The following STPG4 variants were observed in gnomAD, a reference collection of about 807,000 sequenced individuals.
STPG4 encodes the protein sperm-tail PG-rich repeat containing 4.
STPG4 carries 41 observed loss-of-function variants against 31.5 expected under a neutral mutation model. That is an observed-to-expected ratio of 1.30 (90% CI 1.01 to 1.69). The LOEUF is 1.69. Among genes scored for constraint, STPG4 ranks in the 40% most tolerant of loss-of-function variants. The pLI is 0.00. For synonymous variants in STPG4, 141 were observed against 103.0 expected (o/e 1.37, Z -2.24); for missense variants, 375 against 293.4 (o/e 1.28, Z -2.03).
At chr2:47,087,881 T>C (rs1393151819) in intron 6 of STPG4, among the ~76,000 whole-genome samples, 1 of 152,062 alleles carries the variant, frequency 6.6e-6, no homozygotes, top group African/African-American at 2.4e-5. Flanking sequence ...CCCAAGTAGC[T>C]GGGATTACAG....
At chr2:47,091,076 AT>A (rs1404300196) in intron 5 of STPG4, among the ~76,000 whole-genome samples, 1 of 151,222 alleles carries the variant, frequency 6.6e-6, no homozygotes, top group Admixed American at 6.6e-5. Context: ...GGTTCTAAAA[AT>A]TAAAACAGGT....
At chr2:47,107,728 A>C (rs1230360060) in intron 5 of STPG4, among the ~76,000 whole-genome samples, 4 of 152,174 alleles carry the variant, frequency 2.6e-5, no homozygotes, top group Admixed American at 6.5e-5. Context: ...CACTGGGTGA[A>C]GCCAGCTGGG....
intron 1 of STPG4, among the ~76,000 whole-genome samples, chr2:47,154,732 A>G (rs1263325459): frequency 1.3e-5 from 2 of 152,246 alleles, no homozygotes; most frequent in Admixed American, 6.5e-5. Context: ...CTCTAAAAGA[A>G]AAACGTAGCA....
Position 47,152,957 on chromosome 2 carries a change from T to C in STPG4, c.141A>G (p.Thr47=). The change falls in exon 2 of 7, where the codon ACA becomes ACG. Residue 47 remains threonine (T), a splice_region_variant and synonymous_variant. Transcript: ENST00000445927. ...EREGWWRIAL[T]DTPIPGTYHL... is the part of the protein sequence containing the mutation. Reference sequence around the variant, plus strand: ...AGGAAAGACTGAACAATGTACATACTGTTAATGCTATTCTCCACCATCCTT... The same window carrying C: ...AGGAAAGACTGAACAATGTACATACCGTTAATGCTATTCTCCACCATCCTT... 6.2e-7 allele frequency: 1 copy of C among 1,605,248 alleles called. No individual in the cohort carries two copies. The highest frequency in any genetic ancestry group is 2.2e-5 in the East Asian group (1 of 44,720).
chr2:47,146,937 G>A (rs1686835743), intron 3 of STPG4, among the ~76,000 whole-genome samples: 2 of 152,044 alleles, frequency 1.3e-5, no homozygotes, highest in South Asian at 4.1e-4. Flanking sequence ...AGGAGTTTGA[G>A]ACCAGCCTGG....
chr2:47,090,056 C>T (rs1278008426), intron 6 of STPG4, among the ~76,000 whole-genome samples: 1 of 152,170 alleles, frequency 6.6e-6, no homozygotes, highest in Admixed American at 6.5e-5. Context: ...CCTGGAGTCA[C>T]TCTGAACCTG....
At chr2:47,098,624 A>T (rs1372721465) in intron 5 of STPG4, among the ~76,000 whole-genome samples, 1 of 152,208 alleles carries the variant, frequency 6.6e-6, no homozygotes, top group African/African-American at 2.4e-5. Context: ...TCAGAAAAAA[A>T]TTATGACCCC....
At chr2:47,135,666 C>T (rs1187864819) in intron 3 of STPG4, among the ~76,000 whole-genome samples, 1 of 152,216 alleles carries the variant, frequency 6.6e-6, no homozygotes, top group Non-Finnish European at 1.5e-5. Flanking sequence ...GGATTACAGG[C>T]ATGAACCACC....
At position 47,130,227 on chromosome 2, in the gene STPG4, G is replaced by T; in HGVS notation, c.433C>A (p.Leu145Ile). ...GCATATTTGGGAACTGGTGCAGGAA[G>T]CACGTTGTATTGCCCCGGAGAAAGC... is the stretch of plus-strand genomic sequence containing the variant. ...LQLSPGQYNV[L>I]PAPVPKYASR... The change falls in exon 4 of 7, where the codon CTT (leucine) becomes ATT (isoleucine). Residue 145 changes from leucine to isoleucine, a missense_variant. By Grantham distance (5) the Leu-to-Ile change is conservative (BLOSUM62 2). Coordinates refer to ENST00000445927, the MANE Select transcript of STPG4 (RefSeq NM_001163561.2). The T allele has an allele frequency of 6.2e-7, 1 of 1,614,102 alleles. No homozygotes were observed. Among genetic ancestry groups the T allele is most frequent in the Non-Finnish European group, 8.5e-7 (1 of 1,179,948 alleles).
In STPG4 at chr2:47,150,321, A is replaced by T. The variant is rs1367452784; in HGVS notation, c.399+937T>A. Among the ~76,000 whole-genome samples the T allele has an allele frequency of 2.0e-5, 3 of 152,270 alleles. No homozygotes were observed. The East Asian group carries it at 5.8e-4, about 29-fold the overall frequency. On this transcript the variant is annotated intron_variant, in intron 3 of 6. Transcript: ENST00000445927. ...TTCCAGCTCCACTATTTATCTGAGCACTTGATAAACTCTGTCCTGTATTGT... is the reference window on the plus strand; with the variant it reads ...TTCCAGCTCCACTATTTATCTGAGCTCTTGATAAACTCTGTCCTGTATTGT...
At chr2:47,134,831 G>T (rs1686564668) in intron 3 of STPG4, among the ~76,000 whole-genome samples, 1 of 152,242 alleles carries the variant, frequency 6.6e-6, no homozygotes, top group Admixed American at 6.5e-5. Flanking sequence ...AGCAATGAAT[G>T]AGAGTTCCTG....
At chr2:47,107,204 C>G (rs985989624) in intron 5 of STPG4, among the ~76,000 whole-genome samples, 5 of 152,048 alleles carry the variant, frequency 3.3e-5, no homozygotes, top group African/African-American at 1.2e-4. Context: ...TTCAGCCCAC[C>G]GCTGCACTGT....
At chr2:47,138,081 T>C (rs1034401086) in intron 3 of STPG4, among the ~76,000 whole-genome samples, 7 of 152,164 alleles carry the variant, frequency 4.6e-5, no homozygotes, top group Admixed American at 3.3e-4. Context: ...TAATTTTTGG[T>C]TTTTCTTCTT....
intron 3 of STPG4, among the ~76,000 whole-genome samples, chr2:47,148,957 T>G (rs1172595420): frequency 6.6e-6 from 1 of 152,210 alleles, no homozygotes; most frequent in Non-Finnish European, 1.5e-5. Flanking sequence ...TGAAAAATTA[T>G]AAAATTTGAG....
intron 3 of STPG4, among the ~76,000 whole-genome samples, chr2:47,137,851 T>C (rs917496483): frequency 1.3e-5 from 2 of 152,180 alleles, no homozygotes; most frequent in African/African-American, 4.8e-5. Context: ...ATTAGTCATT[T>C]GTGTTTTCTC....
At chr2:47,137,245 G>C (rs987848900) in intron 3 of STPG4, among the ~76,000 whole-genome samples, 1 of 152,172 alleles carries the variant, frequency 6.6e-6, no homozygotes, top group East Asian at 1.9e-4. Context: ...ACATGATTAT[G>C]TGACTTTTCT....
chr2:47,103,592 G>C (rs1022051231), intron 5 of STPG4, among the ~76,000 whole-genome samples: 3 of 151,856 alleles, frequency 2.0e-5, no homozygotes, highest in Admixed American at 1.3e-4. Context: ...CCAATCACCT[G>C]GTAGGGCTTG....
At chr2:47,087,529 G>C (rs1321256758) in intron 6 of STPG4, among the ~76,000 whole-genome samples, 1 of 152,182 alleles carries the variant, frequency 6.6e-6, no homozygotes, top group Non-Finnish European at 1.5e-5. Flanking sequence ...AGTGAGTGAA[G>C]AGAATTAATT....
intron 3 of STPG4, among the ~76,000 whole-genome samples, chr2:47,144,732 TTTG>T (rs1054518354): frequency 6.6e-6 from 1 of 152,074 alleles, no homozygotes; most frequent in African/African-American, 2.4e-5. Context: ...AAAGAGTTTT[TTTG>T]TTTTTTGTTT....
Sources: allele counts gnomAD v4.1 joint callset (sites outside exome capture counted in the v4.1 genomes callset), GRCh38; gene constraint gnomAD v4.1.1; transcripts MANE v1.5; gene names NCBI Gene and HGNC (gene_info 2026-07-23, HGNC 2026-07-21).